Variants in DENND1A observed in about 807,000 individuals in gnomAD.
DENND1A encodes DENN domain-containing protein 1A.
In DENND1A, 51 loss-of-function variants were observed where a neutral mutation model predicts 113.7. The observed-to-expected ratio is 0.45, with a 90% confidence interval of 0.36 to 0.57. The LOEUF (loss-of-function observed/expected upper bound fraction) is 0.57, where lower values mean the gene tolerates loss of function less well. DENND1A is among the 20% of genes least tolerant of loss of function. The probability of loss-of-function intolerance (pLI) is 0.00; values close to 1 mark genes in which losing one functional copy is unlikely to be tolerated. For synonymous variants in DENND1A, 565 were observed against 570.8 expected (o/e 0.99, Z 0.14); for missense variants, 1,258 against 1,395.9 (o/e 0.90, Z 1.57).
chr9:123,522,068 C>T (rs2054440837), intron 13 of DENND1A, among the ~76,000 whole-genome samples: 1 of 152,178 alleles, frequency 6.6e-6, no homozygotes, highest in African/African-American at 2.4e-5. Context: ...CAGGAGGGCA[C>T]AGGAATGGTA....
At chr9:123,824,922 G>A (rs1839066948) in intron 2 of DENND1A, among the ~76,000 whole-genome samples, 1 of 152,012 alleles carries the variant, frequency 6.6e-6, no homozygotes, top group South Asian at 2.1e-4. Flanking sequence ...TTTAAAGCTA[G>A]AATGAGTAAA....
At chr9:123,434,073 C>G (rs757720456) in intron 19 of DENND1A, among the ~76,000 whole-genome samples, 3 of 152,254 alleles carry the variant, frequency 2.0e-5, no homozygotes, top group Non-Finnish European at 2.9e-5. Flanking sequence ...GTCACCCAGG[C>G]TGGCGTGCGG....
At chr9:123,630,767 G>A (rs779930601) in intron 9 of DENND1A, among the ~76,000 whole-genome samples, 2 of 152,084 alleles carry the variant, frequency 1.3e-5, no homozygotes, top group Non-Finnish European at 2.9e-5. Context: ...AACATTGTAG[G>A]TTATTACACA....
At chr9:123,562,708 A>C (rs753113691) in intron 12 of DENND1A, among the ~76,000 whole-genome samples, 2 of 152,206 alleles carry the variant, frequency 1.3e-5, no homozygotes, top group Non-Finnish European at 2.9e-5. Context: ...AATTAAAATG[A>C]GGTATTTTTC....
chr9:123,710,953 G>A (rs2066544330), intron 5 of DENND1A, among the ~76,000 whole-genome samples: 2 of 152,094 alleles, frequency 1.3e-5, no homozygotes, highest in Admixed American at 6.5e-5. Flanking sequence ...GATTACAGGC[G>A]TGAGCCACCA....
chr9:123,853,556 T>C (rs575632741), intron 2 of DENND1A, among the ~76,000 whole-genome samples: 107 of 151,988 alleles, frequency 7.0e-4, no homozygotes, highest in Non-Finnish European at 9.9e-4. Flanking sequence ...CCCAGCTACA[T>C]GGGAGGCTGA....
intron 10 of DENND1A, among the ~76,000 whole-genome samples, chr9:123,628,743 G>C (rs1321890563): frequency 1.3e-5 from 2 of 152,100 alleles, no homozygotes; most frequent in Non-Finnish European, 2.9e-5. Flanking sequence ...ATAAACCAAA[G>C]TATGAAGAGA....
chr9:123,403,325 C>T, intron 21 of DENND1A, 77 bp downstream of exon 21: 1 of 1,494,396 alleles, frequency 6.7e-7, no homozygotes, highest in Non-Finnish European at 9.2e-7. Context: ...GCCGGGGCTA[C>T]ACGCTTGGGC....
At chr9:123,471,520 G>A (rs553011297) in intron 13 of DENND1A, among the ~76,000 whole-genome samples, 1 of 152,366 alleles carries the variant, frequency 6.6e-6, no homozygotes, top group South Asian at 2.1e-4. Flanking sequence ...TGCAGGACAT[G>A]TGACAGGGCA....
intron 5 of DENND1A, among the ~76,000 whole-genome samples, chr9:123,754,329 A>C (rs2070339094): frequency 6.6e-6 from 1 of 152,208 alleles, no homozygotes; most frequent in Admixed American, 6.5e-5. Context: ...TTCCATTTAC[A>C]TGCTAGTCTC....
chr9:123,574,048 C>A (rs1278226289), intron 12 of DENND1A, among the ~76,000 whole-genome samples: 2 of 150,876 alleles, frequency 1.3e-5, no homozygotes, highest in Non-Finnish European at 3.0e-5. Flanking sequence ...CATGGTTTTT[C>A]AAATATTTAG....
intron 10 of DENND1A, among the ~76,000 whole-genome samples, chr9:123,615,405 A>G (rs2060603980): frequency 6.6e-6 from 1 of 152,252 alleles, no homozygotes; most frequent in Non-Finnish European, 1.5e-5. Flanking sequence ...GCATTCCCAC[A>G]GCCTGCAGAG....
intron 1 of DENND1A, among the ~76,000 whole-genome samples, chr9:123,903,851 G>C (rs1195513361): frequency 6.6e-6 from 1 of 152,110 alleles, no homozygotes; most frequent in Non-Finnish European, 1.5e-5. Flanking sequence ...CAGGAAGCTC[G>C]AACTGGGTGG....
intron 13 of DENND1A, among the ~76,000 whole-genome samples, chr9:123,553,369 G>C (rs115976006): frequency 3.9e-4 from 59 of 151,588 alleles, no homozygotes; most frequent in Non-Finnish European, 7.1e-4. Flanking sequence ...AATCTCTGAG[G>C]GGGGCCTGGA....
chr9:123,654,658 C>T (rs1293679745), intron 8 of DENND1A, among the ~76,000 whole-genome samples: 1 of 152,238 alleles, frequency 6.6e-6, no homozygotes, highest in Non-Finnish European at 1.5e-5. Flanking sequence ...AAATACGTAA[C>T]ATTTAGCCAA....
chr9:123,759,103 ACT>A, intron 4 of DENND1A: 1 of 152,086 alleles, frequency 6.6e-6, no homozygotes, highest in South Asian at 2.1e-4. Context: ...GCCCGGCCAA[ACT>A]CTTTTTTTAA....
chr9:123,866,409 C>G (rs547006817), intron 2 of DENND1A, among the ~76,000 whole-genome samples: 4 of 152,262 alleles, frequency 2.6e-5, no homozygotes, highest in Admixed American at 2.6e-4. Context: ...TTTCTGGGAA[C>G]AACTCAGAAT....
chr9:123,813,729 A>G (rs1837013369), intron 2 of DENND1A, among the ~76,000 whole-genome samples: 1 of 152,204 alleles, frequency 6.6e-6, no homozygotes, highest in Non-Finnish European at 1.5e-5. Context: ...AATTAGGCAA[A>G]AGTAAAACAG....
intron 13 of DENND1A, among the ~76,000 whole-genome samples, chr9:123,480,641 T>C (rs946042759): frequency 1.3e-5 from 2 of 152,128 alleles, no homozygotes; most frequent in Non-Finnish European, 2.9e-5. Context: ...TGGGGTCCCA[T>C]AGCACTCTAA....
Sources: gnomAD v4.1 joint callset for allele counts (sites outside exome capture counted in the v4.1 genomes callset) on GRCh38, gnomAD v4.1.1 for gene constraint, MANE v1.5 for transcripts, NCBI Gene and HGNC (gene_info 2026-07-23, HGNC 2026-07-21) for gene names.